Variants in SH3GLB2 observed in about 807,000 individuals in gnomAD.
SH3GLB2 encodes endophilin-B2.
SH3GLB2 carries 24 observed loss-of-function variants against 48.0 expected under a neutral mutation model. That is an observed-to-expected ratio of 0.50 (90% CI 0.36 to 0.70). SH3GLB2 has a LOEUF of 0.70. Among genes scored for constraint, SH3GLB2 ranks in the 30% least tolerant of loss-of-function variants. SH3GLB2 has a pLI of 0.00. For synonymous variants in SH3GLB2, 227 were observed against 207.6 expected (o/e 1.09, Z -0.80); for missense variants, 425 against 516.0 (o/e 0.82, Z 1.71).
intron 5 of SH3GLB2, chr9:129,013,293 G>A (rs1270258412): frequency 7.8e-6 from 4 of 513,386 alleles, no homozygotes; most frequent in South Asian, 2.6e-5. Flanking sequence ...CCCAGGATGT[G>A]AGGTTGTCCA....
chr9:129,008,283 G>C lies in SH3GLB2; in HGVS notation c.*401C>G, dbSNP rs749836278. ...CTGCCAGAGCCCTGTGTGCCTTGCC[G>C]CATTCCCCTGATGCAGCTTTTGGCA... is the stretch of plus-strand genomic sequence containing the variant. On this transcript the variant is annotated 3_prime_UTR_variant, in exon 11 of 11. Coordinates refer to ENST00000372564, the MANE Select transcript of SH3GLB2 (RefSeq NM_020145.4). 4.5e-4 allele frequency: 100 copies of C among 220,680 alleles called. 1 individual carries two copies. Among genetic ancestry groups the C allele is most frequent in the South Asian group, 9.2e-4 (15 of 16,256 alleles). The allele number at this position is 220,680 out of a possible 1,614,324, so 13.7% of individuals were successfully genotyped here. A position where few individuals can be genotyped will look rare whatever the true frequency, so the allele number is the denominator to read the frequency against.
intron 6 of SH3GLB2, 66 bp from the exon 7 acceptor site, chr9:129,010,759 C>A (rs1843071186): frequency 1.3e-6 from 2 of 1,595,600 alleles, no homozygotes; most frequent in Non-Finnish European, 1.7e-6. Context: ...ACCCTAGAGC[C>A]TGTGCCCTGC....
rs1307089441 is a variant in SH3GLB2, at chr9:129,014,787, T to A, written c.452A>T (p.Asp151Val). The A allele has an allele frequency of 6.2e-7, 1 of 1,612,958 alleles. No homozygotes were observed. Among genetic ancestry groups the A allele is most frequent in the Non-Finnish European group, 8.5e-7 (1 of 1,179,730 alleles). ...GGCCCTCACCGAGATGGTCTTCCAG[T>A]CCCCCTCCAGGAAGTTGCGCAAGGG... is the stretch of plus-strand genomic sequence containing the variant. ...LTPLRNFLEG[D>V]WKTISKERRL... is the part of the protein sequence containing the mutation. The change falls in exon 4 of 11, where the codon GAC becomes GTC. Residue 151 changes from aspartate (D) to valine (V), a missense_variant. By Grantham distance (152) the Asp-to-Val change is radical. Coordinates refer to ENST00000372564, the MANE Select transcript of SH3GLB2 (RefSeq NM_020145.4). This position sits in a 1 kb window ranked among gnomAD's most constrained non-coding sequence, Gnocchi z 4.1.
chr9:129,020,956 T>G, intron 3 of SH3GLB2, 135 bp downstream of exon 3: 1 of 1,080,552 alleles, frequency 9.3e-7, no homozygotes, highest in Non-Finnish European at 1.2e-6. Flanking sequence ...TTTTTCTGCG[T>G]AGAGTTTTTA....
chr9:129,025,623 AAGGCAGGCAGGCAGGC>A (rs764337598), intron 1 of SH3GLB2, among the ~76,000 whole-genome samples: 7 of 146,148 alleles, frequency 4.8e-5, no homozygotes, highest in Non-Finnish European at 1.1e-4. Context: ...GGAAGGAAGG[AAGGCAGGCAGGCAGGC>A]AGGCAGGCAG....
intron 1 of SH3GLB2, among the ~76,000 whole-genome samples, chr9:129,023,667 C>A (rs1843955899): frequency 6.6e-6 from 1 of 152,132 alleles, no homozygotes; most frequent in African/African-American, 2.4e-5. Flanking sequence ...CTGCAGTTGG[C>A]TCCAGCTGCG....
Position 129,014,897 on chromosome 9 carries a change from T to C in SH3GLB2, c.342A>G (p.Thr114=), listed in dbSNP as rs1843338184. Residue 114 remains threonine, a synonymous_variant, in exon 4 of 11, where the codon ACA becomes ACG. Coordinates refer to ENST00000372564, the MANE Select transcript of SH3GLB2 (RefSeq NM_020145.4). This position sits in a 1 kb window ranked among gnomAD's most constrained non-coding sequence, Gnocchi z 4.1. ...ELGPTTPYGK[T]LIKVAEAEKQ... ...TTTCAGCTTCTGCCACCTTGATCAGTGTCTTCCCTGAGAAAACAGAGTTGA... is the reference window on the plus strand; with the variant it reads ...TTTCAGCTTCTGCCACCTTGATCAGCGTCTTCCCTGAGAAAACAGAGTTGA... The C allele has an allele frequency of 6.2e-7, 1 of 1,613,584 alleles. No individual in the cohort carries two copies. Among genetic ancestry groups the C allele is most frequent in the Non-Finnish European group, 8.5e-7 (1 of 1,179,794 alleles).
intron 7 of SH3GLB2, 87 bp from the exon 8 acceptor site, chr9:129,010,296 C>T (rs1422632394): frequency 1.8e-6 from 2 of 1,129,132 alleles, no homozygotes; most frequent in East Asian, 4.9e-5. Flanking sequence ...TGGGAGCCGC[C>T]TGTCCCTTTC....
rs1464473278 is a variant in SH3GLB2 at position 129,028,081 on chromosome 9, C to G, written c.63+11G>C. 6.7e-7 allele frequency: 1 copy of G among 1,501,638 alleles called. No homozygotes were observed. The highest frequency in any genetic ancestry group is 8.9e-7 in the Non-Finnish European group (1 of 1,129,090). 93.0% of individuals were successfully genotyped at this position (1,501,638 alleles called of 1,614,324 possible). ...CGGGCCCCCGGCGCACGGCGCGACGCCAGGCCTCACCTGCACCGCCCGGGT... is the reference window on the plus strand; with the variant it reads ...CGGGCCCCCGGCGCACGGCGCGACGGCAGGCCTCACCTGCACCGCCCGGGT... On this transcript the variant is annotated intron_variant, in intron 1 of 10. Coordinates refer to ENST00000372564, the MANE Select transcript of SH3GLB2 (RefSeq NM_020145.4).
In SH3GLB2 at chr9:129,028,271, C is replaced by CACCTGCCG; in HGVS notation, c.-118_-117insCGGCAGGT. Reference sequence around the variant, plus strand: ...GCGGGGCACCAGCCCTCCGCGCACCCGCCTGCCGGCCTGCCCGCCTGCCCG... The same window carrying CACCTGCCG: ...GCGGGGCACCAGCCCTCCGCGCACCCACCTGCCGGCCTGCCGGCCTGCCCGCCTGCCCG... On this transcript the variant is annotated 5_prime_UTR_variant, in exon 1 of 11. Transcript: ENST00000372564. 1.6e-6 allele frequency: 1 copy of CACCTGCCG among 639,234 alleles called. No individual in the cohort carries two copies. Among genetic ancestry groups the CACCTGCCG allele is most frequent in the East Asian group, 1.4e-4 (1 of 6,956 alleles). The allele number at this position is 639,234 out of a possible 1,614,324, so 39.6% of individuals were successfully genotyped here.
intron 8 of SH3GLB2, 58 bp from the exon 9 acceptor site, chr9:129,009,929 C>G: frequency 1.3e-6 from 2 of 1,523,118 alleles, no homozygotes; most frequent in Admixed American, 1.8e-5. Flanking sequence ...ACAAAAAATT[C>G]CGTCCCCATC....
At chr9:129,027,953 G>A (rs1564588916) in intron 1 of SH3GLB2, 139 bp downstream of exon 1, 1 of 770,846 alleles carries the variant, frequency 1.3e-6, no homozygotes, top group Non-Finnish European at 1.9e-6. Flanking sequence ...AAGGGCTCAG[G>A]GGGGCAGAGG....
chr9:129,022,527 C>G, intron 1 of SH3GLB2, 104 bp from the exon 2 acceptor site: 1 of 1,046,888 alleles, frequency 9.6e-7, no homozygotes, highest in Non-Finnish European at 1.4e-6. Context: ...AGCAGGAACC[C>G]AGGCAGGCCC....
rs750640354 is a variant in SH3GLB2 at position 129,022,427 on chromosome 9, C to T, written c.64-4G>A. On this transcript the variant is annotated splice_polypyrimidine_tract_variant and splice_region_variant and intron_variant, in intron 1 of 10. Transcript: ENST00000372564. ...GGCCAAATTTCTCCTCCGTGAACTA[C>T]GCAGAGGGGAAGGCCAAGGGGTGGG... 18 of 1,612,494 alleles carry T rather than the reference C, an allele frequency of 1.1e-5. No homozygotes were observed. The African/African-American group carries it at 1.3e-4, about 12-fold the overall frequency.
At chr9:129,010,942 T>A in intron 6 of SH3GLB2, 1 of 562,336 alleles carries the variant, frequency 1.8e-6, no homozygotes, top group East Asian at 3.0e-5. Flanking sequence ...ATATTTCTCC[T>A]ACAGTGTCAG....
At position 129,023,158 on chromosome 9, in the gene SH3GLB2, G is replaced by A. The variant is rs561514428; in HGVS notation, c.64-735C>T. Among the ~76,000 whole-genome samples, 9 of 152,264 alleles carry A rather than the reference G, an allele frequency of 5.9e-5. No homozygotes were observed. The South Asian group carries it at 1.2e-3, about 21-fold the overall frequency. ...GCTATGAGCTGATGGGTGCAGAGAC[G>A]TCTGGGAAGGAAGGGGAATGCAGGG... On this transcript the variant is annotated intron_variant, in intron 1 of 10. Transcript: ENST00000372564.
chr9:129,023,812 C>A (rs1297369105), intron 1 of SH3GLB2, among the ~76,000 whole-genome samples: 2 of 152,198 alleles, frequency 1.3e-5, no homozygotes, highest in East Asian at 3.9e-4. Flanking sequence ...CTGGGGCCAG[C>A]TGCTCCTGGC....
intron 7 of SH3GLB2, 35 bp from the exon 8 acceptor site, chr9:129,010,244 A>G (rs752195612): frequency 1.3e-5 from 20 of 1,570,934 alleles, no homozygotes; most frequent in Non-Finnish European, 2.6e-6. Flanking sequence ...GCACCCACAC[A>G]CCACCCACCA....
At position 129,007,609 on chromosome 9, in the gene SH3GLB2, G is replaced by A. The variant is rs889411654; in HGVS notation, c.*1075C>T. 1 of 152,188 alleles carries A rather than the reference G, an allele frequency of 6.6e-6. No homozygotes were observed. The highest frequency in any genetic ancestry group is 6.5e-5 in the Admixed American group (1 of 15,288). 9.4% of individuals were successfully genotyped at this position (152,188 alleles called of 1,614,324 possible). On this transcript the variant is annotated 3_prime_UTR_variant, in exon 11 of 11. Transcript: ENST00000372564. ...CCACTTGCCAACTGTGGTCCCTTGA[G>A]GAGCTGACTGTCTTGCTGATCTCAT...
Sources: allele counts gnomAD v4.1 joint callset (sites outside exome capture counted in the v4.1 genomes callset), GRCh38; gene constraint gnomAD v4.1.1; non-coding constraint Gnocchi (gnomAD v3.1); transcripts MANE v1.5; gene names NCBI Gene and HGNC (gene_info 2026-07-23, HGNC 2026-07-21).